The following GABRB1 variants were observed in gnomAD, a reference collection of about 807,000 sequenced individuals.
GABRB1 encodes gamma-aminobutyric acid receptor subunit beta-1.
A neutral mutation model predicts 51.6 loss-of-function variants in GABRB1; 17 were observed. The observed-to-expected ratio is 0.33, with a 90% confidence interval of 0.23 to 0.49. GABRB1 has a LOEUF of 0.49. Among genes scored for constraint, GABRB1 ranks in the 20% least tolerant of loss-of-function variants. GABRB1 has a pLI of 0.99. For missense variants in GABRB1, 410 were observed against 600.6 expected (o/e 0.68, Z 3.32); for synonymous variants, 247 against 218.9 (o/e 1.13, Z -1.14).
intron 4 of GABRB1, among the ~76,000 whole-genome samples, chr4:47,306,759 T>C (rs904343274): frequency 6.6e-6 from 1 of 152,180 alleles, no homozygotes; most frequent in African/African-American, 2.4e-5. Flanking sequence ...TTGTTTGTTT[T>C]CCACACAACA....
intron 4 of GABRB1, among the ~76,000 whole-genome samples, chr4:47,211,112 A>T (rs1720335842): frequency 6.6e-6 from 1 of 152,082 alleles, no homozygotes; most frequent in South Asian, 2.1e-4. Context: ...CTTCTTTCCC[A>T]CGTTACCAGA....
intron 4 of GABRB1, among the ~76,000 whole-genome samples, chr4:47,188,942 G>C (rs1455903611): frequency 3.9e-5 from 6 of 151,926 alleles, no homozygotes; most frequent in Non-Finnish European, 8.8e-5. Context: ...TGAAACAGTA[G>C]ATGCATTACC....
At chr4:47,181,846 G>T (rs561939264) in intron 4 of GABRB1, among the ~76,000 whole-genome samples, 1 of 151,958 alleles carries the variant, frequency 6.6e-6, no homozygotes, top group Non-Finnish European at 1.5e-5. Flanking sequence ...AAGCATCATG[G>T]GTTGTAATCA....
At chr4:47,122,550 G>A (rs1169945251) in intron 3 of GABRB1, among the ~76,000 whole-genome samples, 1 of 152,146 alleles carries the variant, frequency 6.6e-6, no homozygotes, top group Non-Finnish European at 1.5e-5. Context: ...TACTCTCATG[G>A]TAAAATAAGG....
At chr4:46,993,654 A>T, upstream of GABRB1, 1 of 538,746 alleles carries the variant, frequency 1.9e-6, no homozygotes, top group Non-Finnish European at 3.4e-6. Context: ...CTCAATGTGT[A>T]TGTAGAGCTA....
intron 1 of GABRB1, among the ~76,000 whole-genome samples, chr4:47,025,093 C>CAT (rs1476053235): frequency 1.3e-5 from 2 of 150,028 alleles, no homozygotes; most frequent in African/African-American, 2.4e-5. Flanking sequence ...ACATATATCA[C>CAT]ATATATATAT....
chr4:47,153,501 G>T (rs1330142156), intron 3 of GABRB1, among the ~76,000 whole-genome samples: 1 of 151,882 alleles, frequency 6.6e-6, no homozygotes, highest in East Asian at 1.9e-4. Context: ...TTTAAAAAAT[G>T]GATCTTTATA....
chr4:47,105,977 G>A (rs948780156), intron 3 of GABRB1, among the ~76,000 whole-genome samples: 1 of 152,066 alleles, frequency 6.6e-6, no homozygotes, highest in African/African-American at 2.4e-5. Flanking sequence ...AGGTAAGCAA[G>A]TATTCACATC....
intron 3 of GABRB1, among the ~76,000 whole-genome samples, chr4:47,068,135 C>A (rs754887952): frequency 1.5e-4 from 23 of 152,176 alleles, no homozygotes; most frequent in Non-Finnish European, 2.2e-4. Flanking sequence ...TAGCTTCAAA[C>A]TTTTCTTCTG....
At chr4:47,273,243 A>G (rs959218218) in intron 4 of GABRB1, among the ~76,000 whole-genome samples, 1 of 152,196 alleles carries the variant, frequency 6.6e-6, no homozygotes, top group African/African-American at 2.4e-5. Flanking sequence ...CCAGGCAGCT[A>G]CCAGTCATCT....
upstream of GABRB1, chr4:46,993,705 G>A: frequency 2.9e-6 from 1 of 345,754 alleles, no homozygotes; most frequent in Non-Finnish European, 5.4e-6. Flanking sequence ...CGCGCTGAAG[G>A]TTCTGGGGTT....
chr4:47,366,094 G>T (rs534046789), intron 5 of GABRB1, among the ~76,000 whole-genome samples: 3 of 152,242 alleles, frequency 2.0e-5, no homozygotes, highest in Non-Finnish European at 4.4e-5. Flanking sequence ...CCAACATTCA[G>T]TGCCCTCATA....
intron 4 of GABRB1, among the ~76,000 whole-genome samples, chr4:47,300,800 A>G (rs1724230943): frequency 6.6e-6 from 1 of 152,146 alleles, no homozygotes. Flanking sequence ...CAAATATCAA[A>G]CAGCTTTCCA....
At chr4:47,402,076 G>A (rs1022071806) in intron 5 of GABRB1, among the ~76,000 whole-genome samples, 9 of 152,304 alleles carry the variant, frequency 5.9e-5, no homozygotes, top group Admixed American at 5.9e-4. Context: ...ATATCTGGAA[G>A]CCAGTTTAAA....
chr4:47,132,134 T>A (rs534546019), intron 3 of GABRB1, among the ~76,000 whole-genome samples: 2 of 152,212 alleles, frequency 1.3e-5, no homozygotes, highest in African/African-American at 2.4e-5. Context: ...ACACACTGCA[T>A]TGGGCTCATT....
intron 5 of GABRB1, among the ~76,000 whole-genome samples, chr4:47,379,234 A>G (rs1287731977): frequency 4.6e-5 from 7 of 152,174 alleles, no homozygotes; most frequent in Non-Finnish European, 1.0e-4. Flanking sequence ...ATAGCTGAAC[A>G]TACTATACCA....
At chr4:47,290,397 C>T (rs1723681276) in intron 4 of GABRB1, among the ~76,000 whole-genome samples, 1 of 152,158 alleles carries the variant, frequency 6.6e-6, no homozygotes, top group South Asian at 2.1e-4. Context: ...AAATGTAAGT[C>T]CAACATTAGT....
chr4:47,386,659 C>T (rs555829869), intron 5 of GABRB1, among the ~76,000 whole-genome samples: 3 of 152,144 alleles, frequency 2.0e-5, no homozygotes, highest in South Asian at 2.1e-4. Flanking sequence ...TATCATGAGC[C>T]TACAGACATT....
At chr4:47,243,269 A>G (rs1237045079) in intron 4 of GABRB1, among the ~76,000 whole-genome samples, 1 of 152,166 alleles carries the variant, frequency 6.6e-6, no homozygotes, top group Non-Finnish European at 1.5e-5. Flanking sequence ...AAAAAGTACC[A>G]TGCTGTTTTG....
Sources: gnomAD v4.1 joint callset for allele counts (sites outside exome capture counted in the v4.1 genomes callset) on GRCh38, gnomAD v4.1.1 for gene constraint, MANE v1.5 for transcripts, NCBI Gene and HGNC (gene_info 2026-07-23, HGNC 2026-07-21) for gene names.